CALN1: variants seen among roughly 807,000 people sequenced by gnomAD.
CALN1 encodes calneuron 1.
In CALN1, 17 loss-of-function variants were observed where a neutral mutation model predicts 30.6. That is an observed-to-expected ratio of 0.56 (90% CI 0.38 to 0.83). The LOEUF (loss-of-function observed/expected upper bound fraction) is 0.83. CALN1 is among the 40% of genes least tolerant of loss of function. CALN1 has a pLI of 0.00. For missense variants in CALN1, 291 were observed against 354.9 expected (o/e 0.82, Z 1.45); for synonymous variants, 156 against 131.4 (o/e 1.19, Z -1.28).
At chr7:72,491,503 A>G in the CALN1 span, among the ~76,000 whole-genome samples, 1 of 151,964 alleles carries the variant, frequency 6.6e-6, no homozygotes, top group African/African-American at 2.4e-5. Flanking sequence ...CAAAAGGTTG[A>G]GGTTGCAGTG....
chr7:72,262,680 G>C (rs1452319787), intron 3 of CALN1, among the ~76,000 whole-genome samples: 2 of 152,192 alleles, frequency 1.3e-5, no homozygotes, highest in African/African-American at 4.8e-5. Context: ...CAAAGGACAT[G>C]ATTTCACTTT....
At chr7:72,363,949 G>C (rs146602071) in intron 2 of CALN1, among the ~76,000 whole-genome samples, 2,141 of 151,900 alleles carry the variant, frequency 0.014, 29 homozygotes, top group Non-Finnish European at 0.019. Context: ...TGGCCAGGCT[G>C]GTCTCAAACC....
rs1562835432 is a variant in CALN1, at chr7:71,847,750, A to AAGAAAG, written c.502-37259_502-37258insCTTTCT. On this transcript the variant is annotated intron_variant, in intron 5 of 6. Coordinates refer to ENST00000395275, the MANE Select transcript of CALN1 (RefSeq NM_031468.4). ...GAAAGAAGAAAGAAGAAAGAAGAAGAAAGAAGAAAGAAGAAGAAGAAGAAA... is the reference window on the plus strand; with the variant it reads ...GAAAGAAGAAAGAAGAAAGAAGAAGAAGAAAGAAGAAGAAAGAAGAAGAAGAAGAAA... 8.8e-5 allele frequency among the ~76,000 whole-genome samples: 11 copies of AAGAAAG among 125,220 alleles called. 1 individual carries two copies. Among genetic ancestry groups the AAGAAAG allele is most frequent in the East Asian group, 2.4e-4 (1 of 4,176 alleles). The allele number at this position is 125,220 out of a possible 152,430, so 82.1% of individuals were successfully genotyped here.
At chr7:72,219,387 G>A (rs1735464412) in intron 3 of CALN1, among the ~76,000 whole-genome samples, 1 of 152,028 alleles carries the variant, frequency 6.6e-6, no homozygotes, top group South Asian at 2.1e-4. Flanking sequence ...CACCACAACT[G>A]GCTAATTTTT....
chr7:72,432,107 G>A (rs764364761), intron 1 of CALN1, among the ~76,000 whole-genome samples: 15 of 152,212 alleles, frequency 9.9e-5, no homozygotes, highest in Middle Eastern at 3.4e-3. Flanking sequence ...CTCATGTGTC[G>A]TGGGAGGGAC....
chr7:71,810,315 G>A (rs1370520380), intron 6 of CALN1, 21 bp downstream of exon 6: 3 of 1,611,682 alleles, frequency 1.9e-6, no homozygotes, highest in Admixed American at 1.7e-5. Flanking sequence ...CCGGGGAGGG[G>A]ATGGCAGCAG....
At chr7:72,123,882 C>T (rs192835111) in intron 3 of CALN1, among the ~76,000 whole-genome samples, 25 of 152,278 alleles carry the variant, frequency 1.6e-4, no homozygotes, top group Admixed American at 1.5e-3. Flanking sequence ...TAAGTCTACA[C>T]CTTTGAAAAG....
At chr7:71,810,557 T>C in intron 5 of CALN1, 65 bp from the exon 6 acceptor site, 2 of 1,549,540 alleles carry the variant, frequency 1.3e-6, no homozygotes, top group South Asian at 1.2e-5. Flanking sequence ...GCTCGGGCCA[T>C]GACAGGCCAG....
chr7:72,382,391 C>T (rs1385833744), intron 2 of CALN1, among the ~76,000 whole-genome samples: 2 of 152,200 alleles, frequency 1.3e-5, no homozygotes, highest in African/African-American at 2.4e-5. Context: ...GTCTGGGAGG[C>T]TTAAGTTCCC....
At chr7:72,041,372 G>A (rs577359735) in intron 4 of CALN1, among the ~76,000 whole-genome samples, 2 of 151,682 alleles carry the variant, frequency 1.3e-5, no homozygotes, top group Admixed American at 6.6e-5. Flanking sequence ...CCCTGTCCCC[G>A]CCCAAATTTT....
In CALN1 at chr7:71,785,645, C is replaced by G. The variant is rs998950712; in HGVS notation, c.*2130G>C. On this transcript the variant is annotated 3_prime_UTR_variant, in exon 7 of 7. Transcript: ENST00000395275. ...GGAAAAACAGGAAAGTATATCCCTT[C>G]AAGATCTGCTATGCCCTCCCATCTA... 1.3e-5 allele frequency: 2 copies of G among 152,242 alleles called. No homozygotes were observed. Among genetic ancestry groups the G allele is most frequent in the African/African-American group, 4.8e-5 (2 of 41,446 alleles). 9.4% of individuals were successfully genotyped at this position (152,242 alleles called of 1,614,324 possible).
At chr7:72,363,035 ATTTAACT>A (rs1216012873) in intron 2 of CALN1, among the ~76,000 whole-genome samples, 3 of 152,104 alleles carry the variant, frequency 2.0e-5, no homozygotes, top group African/African-American at 2.4e-5. Flanking sequence ...TCTTTTTTTA[ATTTAACT>A]TTTAAGTTCA....
rs537497073 is a variant in CALN1 at position 72,233,386 on chromosome 7, A to C, written c.244+45300T>G. 3.3e-5 allele frequency among the ~76,000 whole-genome samples: 5 copies of C among 152,176 alleles called. No individual in the cohort carries two copies. In the East Asian group the frequency reaches 7.7e-4, roughly 24 times the overall value. Reference sequence around the variant, plus strand: ...AGAGTTAAGGGGCTAAGGGGAGAAGAGAAGGCAGTGTTCACAAAGAGATGT... The same window carrying C: ...AGAGTTAAGGGGCTAAGGGGAGAAGCGAAGGCAGTGTTCACAAAGAGATGT... On this transcript the variant is annotated intron_variant, in intron 3 of 6. Coordinates refer to ENST00000395275, the MANE Select transcript of CALN1 (RefSeq NM_031468.4).
intron 3 of CALN1, among the ~76,000 whole-genome samples, chr7:72,146,431 A>G (rs1188699374): frequency 6.6e-6 from 1 of 152,226 alleles, no homozygotes; most frequent in Non-Finnish European, 1.5e-5. Flanking sequence ...GACCTCTTCA[A>G]GGAGAACTAC....
Position 71,883,399 on chromosome 7 carries a change from G to A in CALN1, c.502-72907C>T, listed in dbSNP as rs542647274. Among the ~76,000 whole-genome samples, 13 of 152,208 alleles carry A rather than the reference G, an allele frequency of 8.5e-5. No homozygotes were observed. The South Asian group carries it at 2.7e-3, about 32-fold the overall frequency. On this transcript the variant is annotated intron_variant, in intron 5 of 6. Coordinates refer to ENST00000395275, the MANE Select transcript of CALN1 (RefSeq NM_031468.4). ...TCCCATCTTTACAAAAACCAAAAAT[G>A]GTGGGGGATGTCTTCAGAGCCTCAG...
intron 2 of CALN1, among the ~76,000 whole-genome samples, chr7:72,285,727 G>A (rs1370186461): frequency 6.6e-6 from 1 of 152,130 alleles, no homozygotes; most frequent in Non-Finnish European, 1.5e-5. Flanking sequence ...ATCTTAACTT[G>A]TCCCTGAAAC....
At chr7:72,334,510 CCCT>C (rs1562898042) in intron 2 of CALN1, among the ~76,000 whole-genome samples, 1 of 152,078 alleles carries the variant, frequency 6.6e-6, no homozygotes. Flanking sequence ...TGTCATCCAC[CCCT>C]CAACCTGTAC....
chr7:71,988,704 C>T (rs976503095), intron 5 of CALN1, among the ~76,000 whole-genome samples: 3 of 152,158 alleles, frequency 2.0e-5, no homozygotes, highest in African/African-American at 4.8e-5. Context: ...GAGATCCAGG[C>T]ACAGACGCTG....
intron 4 of CALN1, among the ~76,000 whole-genome samples, chr7:72,092,051 ATTC>A (rs1363289323): frequency 1.3e-5 from 2 of 152,170 alleles, no homozygotes; most frequent in African/African-American, 4.8e-5. Flanking sequence ...TGTATCAAGT[ATTC>A]TTTTTAAAAA....
Sources: allele counts gnomAD v4.1 joint callset (sites outside exome capture counted in the v4.1 genomes callset), GRCh38; gene constraint gnomAD v4.1.1; transcripts MANE v1.5; gene names NCBI Gene and HGNC (gene_info 2026-07-23, HGNC 2026-07-21).